ALPK2: variants seen among roughly 807,000 people sequenced by gnomAD.
The protein encoded by ALPK2 is alpha kinase 2, also known as alpha-protein kinase 2.
Under a neutral mutation model 163.1 loss-of-function variants are expected in ALPK2, and 127 were observed. That is an observed-to-expected ratio of 0.78 (90% CI 0.67 to 0.90). The LOEUF is 0.90. Ranked by LOEUF, ALPK2 falls within the 40% of genes least tolerant of loss-of-function variation. ALPK2 has a pLI of 0.00. For synonymous variants in ALPK2, 953 were observed against 959.1 expected (o/e 0.99, Z 0.12); for missense variants, 2,360 against 2,589.6 (o/e 0.91, Z 1.92).
intron 6 of ALPK2, among the ~76,000 whole-genome samples, chr18:58,526,665 GACA>G (rs2051586566): frequency 6.6e-6 from 1 of 152,200 alleles, no homozygotes; most frequent in Non-Finnish European, 1.5e-5. Context: ...ATGAAGCCAA[GACA>G]TGCCACTGCT....
At chr18:58,516,851 T>G (rs2051524045) in intron 9 of ALPK2, 57 bp downstream of exon 9, 2 of 1,568,400 alleles carry the variant, frequency 1.3e-6, no homozygotes, top group Non-Finnish European at 1.7e-6. Flanking sequence ...TTTCATCTCG[T>G]CTTATCATGG....
chr18:58,519,681 C>G (rs2051539551), intron 8 of ALPK2, among the ~76,000 whole-genome samples: 1 of 152,094 alleles, frequency 6.6e-6, no homozygotes, highest in Non-Finnish European at 1.5e-5. Flanking sequence ...TAGACGTATT[C>G]TTTGTCTCTT....
chr18:58,496,869 ACC>A (rs983286498), intron 12 of ALPK2, among the ~76,000 whole-genome samples: 3 of 151,994 alleles, frequency 2.0e-5, no homozygotes, highest in African/African-American at 7.3e-5. Context: ...CCAGAGCCAC[ACC>A]CCTAATACCC....
intron 12 of ALPK2, among the ~76,000 whole-genome samples, chr18:58,494,702 T>C (rs1270828224): frequency 1.3e-5 from 2 of 152,144 alleles, no homozygotes; most frequent in African/African-American, 2.4e-5. Context: ...CTAAGCTCAC[T>C]CACAGTTGCT....
At chr18:58,523,867 G>C in intron 7 of ALPK2, 26 bp from the exon 8 acceptor site, 5 of 1,614,212 alleles carry the variant, frequency 3.1e-6, no homozygotes, top group Non-Finnish European at 4.2e-6. Context: ...GCAGAGAATG[G>C]CTTCAGTACA....
At chr18:58,626,350 C>G (rs1397161780) in intron 1 of ALPK2, among the ~76,000 whole-genome samples, 1 of 152,128 alleles carries the variant, frequency 6.6e-6, no homozygotes, top group Non-Finnish European at 1.5e-5. Context: ...GGTGCGATCC[C>G]TATCCTGGAA....
In ALPK2 at chr18:58,536,252, T is replaced by C; in HGVS notation, c.3935A>G (p.Glu1312Gly). The change falls in exon 5 of 13, where the codon GAA becomes GGA. Residue 1312 changes from glutamate to glycine, a missense_variant. By Grantham distance (98) the Glu-to-Gly change is moderately conservative. Coordinates refer to ENST00000361673, the MANE Select transcript of ALPK2 (RefSeq NM_052947.4). ...GGTGGGCTCTTCGCCTTTATGGCTT[T>C]CTCTGCTATCAGCAAGGGCTGACTC... ...DAESALADSR[E>G]SHKGEEPTIS... 1 of 1,614,232 alleles carries C rather than the reference T, an allele frequency of 6.2e-7. No individual in the cohort carries two copies. The highest frequency in any genetic ancestry group is 8.5e-7 in the Non-Finnish European group (1 of 1,180,036).
chr18:58,508,476 G>A (rs950721600), intron 10 of ALPK2, among the ~76,000 whole-genome samples: 2 of 152,200 alleles, frequency 1.3e-5, no homozygotes, highest in Admixed American at 6.5e-5. Flanking sequence ...ACAGGATACA[G>A]GTCATAAAGA....
intron 12 of ALPK2, among the ~76,000 whole-genome samples, chr18:58,484,207 G>A (rs1317039133): frequency 6.6e-6 from 1 of 152,112 alleles, no homozygotes; most frequent in Non-Finnish European, 1.5e-5. Context: ...GTGTTGACCT[G>A]TATCAGTGCT....
rs1409365099 is a variant in ALPK2, at chr18:58,524,008, G to C, written c.5556C>G (p.Asp1852Glu). Residue 1852 changes from aspartate (D) to glutamate (E), a missense_variant, in exon 7 of 13, where the codon GAC (aspartate) becomes GAG (glutamate). Transcript: ENST00000361673. Reference protein sequence around the residue: ...SFAIVQASPKDQGLYYCCIKN... With the variant: ...SFAIVQASPKEQGLYYCCIKN... ...TGATGCAGCAGTAATAGAGTCCCTG[G>C]TCCTTCGGACTGGCTTGCACGATGG... 6.2e-6 allele frequency: 10 copies of C among 1,614,146 alleles called. No individual in the cohort carries two copies. The highest frequency in any genetic ancestry group is 8.5e-6 in the Non-Finnish European group (10 of 1,180,000).
At chr18:58,615,972 G>A (rs547223741) in intron 1 of ALPK2, among the ~76,000 whole-genome samples, 2 of 152,350 alleles carry the variant, frequency 1.3e-5, no homozygotes, top group East Asian at 1.9e-4. Flanking sequence ...GAGAGGAAAA[G>A]GACAGTTAAG....
intron 4 of ALPK2, among the ~76,000 whole-genome samples, chr18:58,542,841 G>C (rs2051697076): frequency 6.6e-6 from 1 of 152,178 alleles, no homozygotes; most frequent in Non-Finnish European, 1.5e-5. Flanking sequence ...GGCATGGGTG[G>C]TCACAGGGGC....
At chr18:58,495,362 T>C (rs1602185370) in intron 12 of ALPK2, among the ~76,000 whole-genome samples, 1 of 152,190 alleles carries the variant, frequency 6.6e-6, no homozygotes, top group African/African-American at 2.4e-5. Flanking sequence ...TCCTGCTCCC[T>C]GGCCTCTCCT....
chr18:58,512,770 G>A (rs926622725), intron 10 of ALPK2, among the ~76,000 whole-genome samples: 12 of 150,536 alleles, frequency 8.0e-5, no homozygotes, highest in Admixed American at 2.6e-4. Flanking sequence ...ATGTGTATGT[G>A]TGTGGTGTGT....
At chr18:58,501,666 T>A (rs1039050993) in intron 11 of ALPK2, among the ~76,000 whole-genome samples, 27 of 152,334 alleles carry the variant, frequency 1.8e-4, no homozygotes, top group African/African-American at 6.5e-4. Context: ...GGTTGGAGTC[T>A]TGGACCCCTC....
At chr18:58,547,873 C>A (rs534208503) in intron 4 of ALPK2, among the ~76,000 whole-genome samples, 7 of 152,156 alleles carry the variant, frequency 4.6e-5, no homozygotes, top group Non-Finnish European at 8.8e-5. Flanking sequence ...AACTTTCCTG[C>A]AGATTTCAGA....
chr18:58,513,652 A>G (rs990673419), intron 10 of ALPK2, among the ~76,000 whole-genome samples: 7 of 152,218 alleles, frequency 4.6e-5, no homozygotes, highest in Non-Finnish European at 1.0e-4. Context: ...CGAGGCAGGA[A>G]GATCACTTGA....
chr18:58,581,508 AC>A (rs530431934), intron 3 of ALPK2, among the ~76,000 whole-genome samples: 235 of 152,336 alleles, frequency 1.5e-3, no homozygotes, highest in African/African-American at 5.6e-3. Flanking sequence ...GCTGGATGGA[AC>A]GAAGCCTGCT....
chr18:58,603,625 G>C (rs1602236716), intron 3 of ALPK2, among the ~76,000 whole-genome samples: 2 of 152,168 alleles, frequency 1.3e-5, no homozygotes, highest in South Asian at 2.1e-4. Flanking sequence ...TGCTGAGGAG[G>C]GGGTATATCT....
Sources: allele counts gnomAD v4.1 joint callset (sites outside exome capture counted in the v4.1 genomes callset), GRCh38; gene constraint gnomAD v4.1.1; transcripts MANE v1.5; gene names NCBI Gene and HGNC (gene_info 2026-07-23, HGNC 2026-07-21).